The following TMEM50B variants were observed in gnomAD, a reference collection of about 807,000 sequenced individuals.
TMEM50B encodes HCV p7-trans-regulated protein 3.
Under a neutral mutation model 23.4 loss-of-function variants are expected in TMEM50B, and 14 were observed. The observed-to-expected ratio is 0.60, with a 90% CI of 0.39 to 0.93. The LOEUF (loss-of-function observed/expected upper bound fraction) is 0.93. Ranked by LOEUF, TMEM50B falls within the 40% of genes least tolerant of loss-of-function variation. The pLI is 0.00. For synonymous variants in TMEM50B, 64 were observed against 62.3 expected, an observed-to-expected ratio of 1.03 and a Z score of -0.13; for missense variants, 159 against 193.0, an observed-to-expected ratio of 0.82 and a Z score of 1.04.
At chr21:33,447,318 T>G (rs1170896348), downstream of TMEM50B, among the ~76,000 whole-genome samples, 1 of 135,060 alleles carries the variant, frequency 7.4e-6, no homozygotes, top group Non-Finnish European at 1.6e-5. Flanking sequence ...AAAGGAGAGC[T>G]GAGTGTGGTG....
At chr21:33,457,950 A>C (rs1289834810) in intron 5 of TMEM50B, among the ~76,000 whole-genome samples, 2 of 152,146 alleles carry the variant, frequency 1.3e-5, no homozygotes, top group Non-Finnish European at 2.9e-5. Context: ...CAAACGGCTA[A>C]GCTTTAGCCA....
intron 7 of TMEM50B, among the ~76,000 whole-genome samples, chr21:33,442,210 C>T (rs1297970503): frequency 6.6e-6 from 1 of 152,136 alleles, no homozygotes; most frequent in Non-Finnish European, 1.5e-5. Context: ...CAGCAGCTTC[C>T]GGAGATGCAG....
At chr21:33,434,807 G>C (rs1295135224) in intron 8 of TMEM50B, among the ~76,000 whole-genome samples, 1 of 152,092 alleles carries the variant, frequency 6.6e-6, no homozygotes. Context: ...CTCCTAACAG[G>C]TCTCAGAATC....
intron 1 of TMEM50B, among the ~76,000 whole-genome samples, chr21:33,477,305 T>C (rs1209178127): frequency 6.6e-6 from 1 of 150,838 alleles, no homozygotes; most frequent in African/African-American, 2.4e-5. Context: ...GGGGTGGGGT[T>C]GGGAGGAAAT....
At chr21:33,478,959 G>C in intron 1 of TMEM50B, 3 of 376,334 alleles carry the variant, frequency 8.0e-6, no homozygotes, top group Non-Finnish European at 1.6e-5. Flanking sequence ...CGCGATGTAA[G>C]ACGATGCGGA....
At chr21:33,446,523 C>T (rs576810784), downstream of TMEM50B, among the ~76,000 whole-genome samples, 13 of 151,152 alleles carry the variant, frequency 8.6e-5, no homozygotes, top group Non-Finnish European at 1.6e-4. Flanking sequence ...AGGCGAGAGC[C>T]GCTGTGCCTG....
At chr21:33,456,820 G>T (rs2123427139) in intron 5 of TMEM50B, among the ~76,000 whole-genome samples, 1 of 152,294 alleles carries the variant, frequency 6.6e-6, no homozygotes, top group South Asian at 2.1e-4. Flanking sequence ...GCTTAGAACA[G>T]TATCTAGCCT....
In TMEM50B at chr21:33,467,012, G is replaced by C; in HGVS notation, c.210C>G (p.Phe70Leu). The C allele has an allele frequency of 6.2e-7, 1 of 1,612,982 alleles. No individual in the cohort carries two copies. The highest frequency in any genetic ancestry group is 2.2e-5 in the East Asian group (1 of 44,872). ...TCGVFSTLAF[F>L]MINAVSNAQV... is the part of the protein sequence containing the mutation. ...TAGAGAATTATCTTCATACTTACATGAAGAAAGCCAATGTGGAAAATACAC... is the reference window on the plus strand; with the variant it reads ...TAGAGAATTATCTTCATACTTACATCAAGAAAGCCAATGTGGAAAATACAC... The change falls in exon 3 of 7, where the codon TTC (phenylalanine) becomes TTG (leucine). Residue 70 changes from phenylalanine to leucine, a missense_variant and splice_region_variant. Phe to Leu is a conservative substitution (Grantham distance 22, BLOSUM62 0). Transcript: ENST00000542230.
chr21:33,434,177 C>T (rs1046065653), intron 8 of TMEM50B, among the ~76,000 whole-genome samples: 5 of 152,166 alleles, frequency 3.3e-5, no homozygotes, highest in African/African-American at 1.2e-4. Flanking sequence ...CTTCTGAGGA[C>T]ACGGTCAGGA....
downstream of TMEM50B, among the ~76,000 whole-genome samples, chr21:33,445,523 G>A (rs543427725): frequency 2.6e-5 from 4 of 152,356 alleles, no homozygotes; most frequent in East Asian, 1.9e-4. Flanking sequence ...AAGAAATGCC[G>A]GGCACGGCGC....
At chr21:33,459,215 C>T (rs1042146133) in intron 5 of TMEM50B, among the ~76,000 whole-genome samples, 1 of 152,208 alleles carries the variant, frequency 6.6e-6, no homozygotes, top group Non-Finnish European at 1.5e-5. Context: ...TTTTTCATCA[C>T]TACTGTGAAT....
chr21:33,466,557 A>T (rs2084265975), intron 3 of TMEM50B, among the ~76,000 whole-genome samples: 1 of 152,152 alleles, frequency 6.6e-6, no homozygotes, highest in South Asian at 2.1e-4. Flanking sequence ...ATTTACTACT[A>T]AAAAAATGCA....
In TMEM50B at chr21:33,449,205, T is replaced by A. The variant is rs900559682; in HGVS notation, c.*1613A>T. The A allele has an allele frequency of 6.6e-6, 1 of 152,172 alleles. No homozygotes were observed. Among genetic ancestry groups the A allele is most frequent in the African/African-American group, 2.4e-5 (1 of 41,426 alleles). 9.4% of individuals were successfully genotyped at this position (152,172 alleles called of 1,614,324 possible). On this transcript the variant is annotated 3_prime_UTR_variant, in exon 7 of 7. Transcript: ENST00000542230. ...GGAAACAAATAATTAGTCTTACAAT[T>A]TGCTAGAAGCATGACAGAGCTTACT... is the stretch of plus-strand genomic sequence containing the variant.
chr21:33,447,145 A>AG (rs1355247311), downstream of TMEM50B: 4 of 149,406 alleles, frequency 2.7e-5, no homozygotes, highest in African/African-American at 9.8e-5. Flanking sequence ...CTCCATCTGA[A>AG]AAAAAAAAAA....
Position 33,451,747 on chromosome 21 carries a change from T to G in TMEM50B, c.432-884A>C, listed in dbSNP as rs141056284. Among the ~76,000 whole-genome samples the G allele has an allele frequency of 1.8e-3, 272 of 152,248 alleles. 2 individuals are homozygous for G. Among genetic ancestry groups the G allele is most frequent in the African/African-American group, 6.4e-3 (268 of 41,564 alleles). ...CGGTTTAGGCCTGGAAAGGGACATC[T>G]GTGACTCACTGGCATATAAGCAATA... On this transcript the variant is annotated intron_variant, in intron 6 of 6. Coordinates refer to ENST00000542230, the MANE Select transcript of TMEM50B (RefSeq NM_006134.7).
intron 5 of TMEM50B, among the ~76,000 whole-genome samples, chr21:33,457,599 C>T (rs904816565): frequency 3.3e-5 from 5 of 150,374 alleles, no homozygotes; most frequent in South Asian, 2.1e-4. Context: ...TGCAGTGAGC[C>T]GAGACTGTGC....
At chr21:33,452,312 C>T (rs1023350878) in intron 6 of TMEM50B, among the ~76,000 whole-genome samples, 4 of 152,138 alleles carry the variant, frequency 2.6e-5, no homozygotes, top group African/African-American at 9.7e-5. Flanking sequence ...GGAGGGAGAC[C>T]ACATGGCTAG....
At chr21:33,478,831 T>C (rs1201573523) in intron 1 of TMEM50B, 4 of 471,004 alleles carry the variant, frequency 8.5e-6, no homozygotes, top group South Asian at 3.1e-5. Context: ...GATGAAAAAG[T>C]GTGACCGGCC....
Position 33,467,140 on chromosome 21 carries a change from G to A in TMEM50B, c.100-18C>T. Reference sequence around the variant, plus strand: ...GTAAAAAACTTAAAACACAGCCCAAGTCACTGAAACATTAAAACTCTTGCT... The same window carrying A: ...GTAAAAAACTTAAAACACAGCCCAAATCACTGAAACATTAAAACTCTTGCT... On this transcript the variant is annotated intron_variant, in intron 2 of 6. Transcript: ENST00000542230. The A allele has an allele frequency of 6.3e-7, 1 of 1,595,294 alleles. No individual in the cohort carries two copies. Among genetic ancestry groups the A allele is most frequent in the Non-Finnish European group, 8.6e-7 (1 of 1,163,572 alleles).
Sources: allele counts gnomAD v4.1 joint callset (sites outside exome capture counted in the v4.1 genomes callset), GRCh38; gene constraint gnomAD v4.1.1; transcripts MANE v1.5; gene names NCBI Gene and HGNC (gene_info 2026-07-23, HGNC 2026-07-21).